Variants in NME7 observed in about 807,000 individuals in gnomAD.
NME7 encodes the protein NME/NM23 family member 7, also known as nucleoside diphosphate kinase 7.
NME7 carries 41 observed loss-of-function variants against 49.1 expected under a neutral mutation model. That is an observed-to-expected ratio of 0.83 (90% CI 0.65 to 1.08). The LOEUF (loss-of-function observed/expected upper bound fraction) is 1.08, where lower values mean the gene tolerates loss of function less well. Among genes scored for constraint, NME7 ranks in the 50% least tolerant of loss-of-function variants. The pLI, the probability that NME7 is intolerant of heterozygous loss-of-function variation, is 0.00. For synonymous variants in NME7, 139 were observed against 150.6 expected, an observed-to-expected ratio of 0.92 and a Z score of 0.56; for missense variants, 423 against 463.4, an observed-to-expected ratio of 0.91 and a Z score of 0.80.
At chr1:169,290,129 A>C (rs1650441170) in intron 6 of NME7, among the ~76,000 whole-genome samples, 1 of 152,072 alleles carries the variant, frequency 6.6e-6, no homozygotes, top group Non-Finnish European at 1.5e-5. Flanking sequence ...CTACTTCATA[A>C]ATTTTCACGC....
Position 169,367,786 on chromosome 1 carries a change from T to C in NME7, c.-76A>G. The C allele has an allele frequency of 6.9e-6, 11 of 1,593,996 alleles. No individual in the cohort carries two copies. Among genetic ancestry groups the C allele is most frequent in the South Asian group, 2.2e-5 (2 of 90,712 alleles). Reference sequence around the variant, plus strand: ...ACCACCACCACCACCATCATACGGTTACTCAGGCAACAAAGCCCCGCCCAC... The same window carrying C: ...ACCACCACCACCACCATCATACGGTCACTCAGGCAACAAAGCCCCGCCCAC... On this transcript the variant is annotated 5_prime_UTR_variant, in exon 1 of 12. Coordinates refer to ENST00000367811, the MANE Select transcript of NME7 (RefSeq NM_013330.5).
intron 10 of NME7, among the ~76,000 whole-genome samples, chr1:169,228,530 A>T (rs1028932881): frequency 1.3e-5 from 2 of 151,402 alleles, no homozygotes; most frequent in African/African-American, 4.9e-5. Flanking sequence ...ACAAAAAATT[A>T]GCCGGGCGCA....
At chr1:169,225,964 C>A (rs971093403) in intron 10 of NME7, among the ~76,000 whole-genome samples, 1 of 152,106 alleles carries the variant, frequency 6.6e-6, no homozygotes, top group African/African-American at 2.4e-5. Flanking sequence ...TTGTAAGAAG[C>A]AGGACCCATT....
At chr1:169,197,449 A>G (rs1660414842) in intron 10 of NME7, among the ~76,000 whole-genome samples, 1 of 152,076 alleles carries the variant, frequency 6.6e-6, no homozygotes, top group Non-Finnish European at 1.5e-5. Flanking sequence ...ATTCTCTAGG[A>G]GAAAAATAAG....
At chr1:169,154,293 G>A (rs1234447457) in intron 11 of NME7, among the ~76,000 whole-genome samples, 2 of 152,150 alleles carry the variant, frequency 1.3e-5, no homozygotes, top group African/African-American at 2.4e-5. Context: ...GATTACAGGT[G>A]TGAGCCACTG....
At chr1:169,343,286 T>C (rs1652843974) in intron 1 of NME7, among the ~76,000 whole-genome samples, 1 of 152,058 alleles carries the variant, frequency 6.6e-6, no homozygotes, top group African/African-American at 2.4e-5. Flanking sequence ...CTCCTTTTCA[T>C]GCATGGTGTG....
chr1:169,222,228 C>T (rs1661165427), intron 10 of NME7, among the ~76,000 whole-genome samples: 1 of 152,004 alleles, frequency 6.6e-6, no homozygotes, highest in Admixed American at 6.6e-5. Context: ...TATCTGTCTC[C>T]AACTAGAATG....
intron 3 of NME7, among the ~76,000 whole-genome samples, chr1:169,313,417 T>C (rs1370342786): frequency 6.6e-6 from 1 of 152,106 alleles, no homozygotes; most frequent in African/African-American, 2.4e-5. Flanking sequence ...CAACCAGGTC[T>C]TGAATGGCAA....
At chr1:169,220,921 C>T (rs1416252058) in intron 10 of NME7, among the ~76,000 whole-genome samples, 1 of 152,056 alleles carries the variant, frequency 6.6e-6, no homozygotes, top group Non-Finnish European at 1.5e-5. Context: ...GGTATAAATG[C>T]CTTCTCTAAG....
intron 7 of NME7, among the ~76,000 whole-genome samples, chr1:169,244,379 T>A (rs61515530): frequency 0.07 from 10,615 of 152,142 alleles, 1,464 homozygotes; most frequent in East Asian, 0.66. Context: ...ACGCCTGTAA[T>A]CCCAGCACTT....
At chr1:169,308,732 T>C (rs1306857479) in intron 4 of NME7, among the ~76,000 whole-genome samples, 8 of 152,184 alleles carry the variant, frequency 5.3e-5, no homozygotes, top group Admixed American at 5.2e-4. Flanking sequence ...ATATTCTCCT[T>C]GCCATTCTTA....
intron 1 of NME7, among the ~76,000 whole-genome samples, chr1:169,361,526 T>C (rs1653652279): frequency 6.6e-6 from 1 of 152,184 alleles, no homozygotes; most frequent in South Asian, 2.1e-4. Flanking sequence ...ATGCCTATAA[T>C]CCCAGCAGTT....
At position 169,365,655 on chromosome 1, in the gene NME7, G is replaced by C. The variant is rs560900219; in HGVS notation, c.3+2053C>G. ...TGTGTGCCATTCTAGACATTTTACT[G>C]TAGGAAATAGGGAATCTAGAGTTTT... is the stretch of plus-strand genomic sequence containing the variant. On this transcript the variant is annotated intron_variant, in intron 1 of 11. Coordinates refer to ENST00000367811, the MANE Select transcript of NME7 (RefSeq NM_013330.5). Among the ~76,000 whole-genome samples the C allele has an allele frequency of 8.8e-4, 134 of 152,264 alleles. 1 individual carries two copies. The highest frequency in any genetic ancestry group is 3.2e-3 in the African/African-American group (131 of 41,530).
intron 11 of NME7, among the ~76,000 whole-genome samples, chr1:169,140,595 G>A (rs1658562151): frequency 6.6e-6 from 1 of 152,070 alleles, no homozygotes; most frequent in African/African-American, 2.4e-5. Flanking sequence ...AAGCTTCAGG[G>A]ATGGGTTTTC....
chr1:169,342,607 GTATA>G (rs778561650), intron 1 of NME7, among the ~76,000 whole-genome samples: 1 of 32,780 alleles, frequency 3.1e-5, no homozygotes. Flanking sequence ...CATATATATA[GTATA>G]TATATATACA....
chr1:169,261,403 T>C (rs12405725), intron 7 of NME7, among the ~76,000 whole-genome samples: 15,775 of 133,382 alleles, frequency 0.12, 4,374 homozygotes, highest in Admixed American at 0.24. Flanking sequence ...GTTATTTTCA[T>C]TAAACAACTG....
intron 1 of NME7, among the ~76,000 whole-genome samples, chr1:169,362,669 C>T (rs984883532): frequency 2.0e-5 from 3 of 152,114 alleles, no homozygotes; most frequent in Non-Finnish European, 4.4e-5. Context: ...ATTGAGAGGC[C>T]ATAATCCTTT....
chr1:169,226,844 T>C lies in NME7; in HGVS notation c.990+3874A>G, dbSNP rs114681102. ...TACACGTTAAATCAGTTCCAAATTT[T>C]AAAATCCCTGTGGTGCAACTTTCTA... On this transcript the variant is annotated intron_variant, in intron 10 of 11. Coordinates refer to ENST00000367811, the MANE Select transcript of NME7 (RefSeq NM_013330.5). 3.3e-3 allele frequency among the ~76,000 whole-genome samples: 502 copies of C among 152,268 alleles called. 2 individuals carry two copies. Among genetic ancestry groups the C allele is most frequent in the African/African-American group, 0.011 (472 of 41,552 alleles).
chr1:169,319,033 ATTTTAAT>A (rs1558037124), intron 3 of NME7, among the ~76,000 whole-genome samples: 123 of 57,298 alleles, frequency 2.1e-3, no homozygotes, highest in African/African-American at 6.7e-3. Flanking sequence ...ATTTAATTTA[ATTTTAAT>A]TTTAATTTTA....
Sources: allele counts gnomAD v4.1 joint callset (sites outside exome capture counted in the v4.1 genomes callset), GRCh38; gene constraint gnomAD v4.1.1; transcripts MANE v1.5; gene names NCBI Gene and HGNC (gene_info 2026-07-23, HGNC 2026-07-21).